EXOC3L2: variants seen among roughly 807,000 people sequenced by gnomAD.
EXOC3L2 encodes the protein exocyst complex component 3-like protein 2.
Under a neutral mutation model 44.4 loss-of-function variants are expected in EXOC3L2, and 17 were observed. The observed-to-expected ratio is 0.38, with a 90% CI of 0.26 to 0.57. The LOEUF is 0.57. Ranked by LOEUF, EXOC3L2 falls within the 20% of genes least tolerant of loss-of-function variation. The pLI, the probability that EXOC3L2 is intolerant of heterozygous loss-of-function variation, is 0.65. For synonymous variants in EXOC3L2, 256 were observed against 253.7 expected, an observed-to-expected ratio of 1.01 and a Z score of -0.09; for missense variants, 541 against 588.4, an observed-to-expected ratio of 0.92 and a Z score of 0.83.
intron 4 of EXOC3L2, among the ~76,000 whole-genome samples, chr19:45,230,513 C>T (rs555449445): frequency 2.0e-5 from 3 of 152,148 alleles, no homozygotes; most frequent in South Asian, 2.1e-4. Context: ...CCACTGTGCC[C>T]GGCCACAAAA....
At chr19:45,233,413 G>C (rs948705137) in intron 3 of EXOC3L2, among the ~76,000 whole-genome samples, 1 of 152,152 alleles carries the variant, frequency 6.6e-6, no homozygotes, top group Non-Finnish European at 1.5e-5. Context: ...AGGCTCTAAA[G>C]AGAAAGCAGT....
intron 5 of EXOC3L2, 25 bp downstream of exon 5, chr19:45,228,140 C>T (rs760425860): frequency 7.4e-6 from 12 of 1,613,652 alleles, no homozygotes; most frequent in East Asian, 2.2e-5. Context: ...TCCAGCCCAT[C>T]CCCCAGCCTC....
At position 45,231,840 on chromosome 19, in the gene EXOC3L2, C is replaced by T. The variant is rs937592097; in HGVS notation, c.1192G>A (p.Glu398Lys). The T allele has an allele frequency of 4.3e-6, 7 of 1,609,404 alleles. No homozygotes were observed. The African/African-American group carries it at 9.3e-5, about 21-fold the overall frequency. ...AGAAGGGGCCCCAGCTCCCCATTCTCCAGGGCGGCCATGTCCACCAGCCCT... is the reference window on the plus strand; with the variant it reads ...AGAAGGGGCCCCAGCTCCCCATTCTTCAGGGCGGCCATGTCCACCAGCCCT... ...VLGLVDMAAL[E>K]NGELGPLLSP... is the part of the protein sequence containing the mutation. The change falls in exon 4 of 12, where the codon GAG becomes AAG. Residue 398 changes from glutamate (E) to lysine (K), a missense_variant. Glu to Lys is a moderately conservative substitution (Grantham distance 56). Transcript: ENST00000413988.
chr19:45,241,868 T>C (rs1970134415), intron 1 of EXOC3L2, among the ~76,000 whole-genome samples: 2 of 152,212 alleles, frequency 1.3e-5, no homozygotes, highest in Admixed American at 1.3e-4. Context: ...CTGTGTCCCT[T>C]ACTGGACTGC....
In EXOC3L2 at chr19:45,238,834, C is replaced by T; in HGVS notation, c.212G>A (p.Trp71Ter). 1 of 399,004 alleles carries T rather than the reference C, an allele frequency of 2.5e-6. No individual in the cohort carries two copies. Among genetic ancestry groups the T allele is most frequent in the Non-Finnish European group, 4.4e-6 (1 of 226,032 alleles). 24.7% of individuals were successfully genotyped at this position (399,004 alleles called of 1,614,324 possible). ...LAGLAPFRLG[W>*]APGRRAGSPG... ...GCTGCCTGCCCGCCGGCCCGGGGCCCAGCCCAGCCGGAAGGGGGCCAGGCC... is the reference window on the plus strand; with the variant it reads ...GCTGCCTGCCCGCCGGCCCGGGGCCTAGCCCAGCCGGAAGGGGGCCAGGCC... Residue 71 changes from tryptophan to a stop codon, truncating the protein, a stop_gained, in exon 2 of 12, where the codon TGG (tryptophan) becomes TAG (stop). Transcript: ENST00000413988. LOFTEE classifies it high-confidence loss of function. This position sits in a 1 kb window ranked among gnomAD's most constrained non-coding sequence, Gnocchi z 5.5.
In EXOC3L2 at chr19:45,213,202, G is replaced by T; in HGVS notation, c.2276C>A (p.Pro759His). 1 of 1,609,852 alleles carries T rather than the reference G, an allele frequency of 6.2e-7. No homozygotes were observed. The highest frequency in any genetic ancestry group is 8.5e-7 in the Non-Finnish European group (1 of 1,177,944). The change falls in exon 12 of 12, where the codon CCC becomes CAC. Residue 759 changes from proline (P) to histidine (H), a missense_variant. By Grantham distance (77) the Pro-to-His change is moderately conservative (BLOSUM62 -2). Coordinates refer to ENST00000413988, the MANE Select transcript of EXOC3L2 (RefSeq NM_001382422.1). ...GAGGCTGAGACAGAAAGATGGGCGG[G>T]GCACAGGGATGTCTGCAAAGAAGGC... ...DRAFFADIPV[P>H]RPSFCLSLPL... is the part of the protein sequence containing the mutation.
chr19:45,242,442 G>A (rs543964311), intron 1 of EXOC3L2, among the ~76,000 whole-genome samples: 1 of 152,090 alleles, frequency 6.6e-6, no homozygotes, highest in South Asian at 2.1e-4. Flanking sequence ...GTTATAGATG[G>A]GGTCTCGCTA....
intron 2 of EXOC3L2, among the ~76,000 whole-genome samples, chr19:45,237,845 C>T (rs1970097191): frequency 6.6e-6 from 1 of 152,140 alleles, no homozygotes; most frequent in South Asian, 2.1e-4. Flanking sequence ...GTGGTGTCCT[C>T]ATAAAAAGGA....
chr19:45,242,716 G>A (rs1970139837), intron 1 of EXOC3L2, among the ~76,000 whole-genome samples: 1 of 152,084 alleles, frequency 6.6e-6, no homozygotes. Context: ...ACAAAAATTA[G>A]CTGGGTGTGG....
intron 9 of EXOC3L2, 42 bp from the exon 10 acceptor site, chr19:45,217,725 C>A (rs1050220563): frequency 1.4e-6 from 2 of 1,384,714 alleles, no homozygotes; most frequent in Non-Finnish European, 1.9e-6. Context: ...TGAGCCATGC[C>A]CCACGGACTC....
intron 11 of EXOC3L2, among the ~76,000 whole-genome samples, chr19:45,215,286 C>CA (rs1969821215): frequency 6.6e-6 from 1 of 152,110 alleles, no homozygotes; most frequent in Admixed American, 6.6e-5. Context: ...GCCTGGGCAA[C>CA]ATGGTGAAAC....
chr19:45,241,477 C>CAAAAAAAAA (rs554632176), intron 1 of EXOC3L2, among the ~76,000 whole-genome samples: 2 of 94,856 alleles, frequency 2.1e-5, no homozygotes, highest in Non-Finnish European at 4.1e-5. Flanking sequence ...GACTCCATCT[C>CAAAAAAAAA]AAAAAAAAAA....
chr19:45,228,414 G>A (rs2122976013), intron 4 of EXOC3L2, 148 bp from the exon 5 acceptor site: 2 of 681,068 alleles, frequency 2.9e-6, no homozygotes, highest in African/African-American at 1.8e-5. Flanking sequence ...ATGCTGGGGA[G>A]GGAGGCTGAG....
At chr19:45,225,592 A>G (rs1165912436) in intron 7 of EXOC3L2, among the ~76,000 whole-genome samples, 6 of 144,206 alleles carry the variant, frequency 4.2e-5, no homozygotes, top group African/African-American at 1.5e-4. Flanking sequence ...AATGGTCTAC[A>G]GCTCTGAAAC....
chr19:45,213,807 A>AG (rs974803606), intron 11 of EXOC3L2, among the ~76,000 whole-genome samples: 15 of 150,686 alleles, frequency 1.0e-4, no homozygotes, highest in Non-Finnish European at 2.1e-4. Flanking sequence ...AAAAAAAAAA[A>AG]GCTGGGTGTG....
intron 3 of EXOC3L2, among the ~76,000 whole-genome samples, chr19:45,233,610 A>G (rs1234488633): frequency 2.0e-5 from 3 of 152,144 alleles, no homozygotes; most frequent in Admixed American, 6.6e-5. Context: ...CTGAGCTACT[A>G]GGATTGAAAC....
At chr19:45,229,284 TA>T (rs1417280846) in intron 4 of EXOC3L2, among the ~76,000 whole-genome samples, 2 of 123,240 alleles carry the variant, frequency 1.6e-5, no homozygotes, top group Non-Finnish European at 3.4e-5. Flanking sequence ...TACATATATT[TA>T]TGTATTAAAT....
chr19:45,240,513 T>C (rs1970122748), intron 1 of EXOC3L2, among the ~76,000 whole-genome samples: 1 of 151,998 alleles, frequency 6.6e-6, no homozygotes, highest in South Asian at 2.1e-4. Context: ...GGTTTCCTTT[T>C]GGGGAAAGGA....
intron 3 of EXOC3L2, among the ~76,000 whole-genome samples, chr19:45,233,591 C>T (rs1970052263): frequency 6.6e-6 from 1 of 151,894 alleles, no homozygotes; most frequent in South Asian, 2.1e-4. Flanking sequence ...GACTGGTGGG[C>T]CCACCGTGCT....
Sources: gnomAD v4.1 joint callset for allele counts (sites outside exome capture counted in the v4.1 genomes callset) on GRCh38, gnomAD v4.1.1 for gene constraint, Gnocchi (gnomAD v3.1) non-coding constraint, MANE v1.5 for transcripts, NCBI Gene and HGNC (gene_info 2026-07-23, HGNC 2026-07-21) for gene names.